SLC25A13: variants seen among roughly 807,000 people sequenced by gnomAD.
The protein encoded by SLC25A13 is solute carrier family 25 member 13.
A neutral mutation model predicts 85.5 loss-of-function variants in SLC25A13; 70 were observed. That is an observed-to-expected ratio of 0.82 (90% CI 0.68 to 1.00). The LOEUF is 1.00. SLC25A13 is among the 50% of genes least tolerant of loss of function. The probability of loss-of-function intolerance (pLI) is 0.00; values close to 1 mark genes in which losing one functional copy is unlikely to be tolerated. For synonymous variants in SLC25A13, 259 were observed against 288.7 expected, an observed-to-expected ratio of 0.90 and a Z score of 1.04; for missense variants, 765 against 819.8, an observed-to-expected ratio of 0.93 and a Z score of 0.82.
At chr7:96,314,692 G>A (rs1800068202) in intron 1 of SLC25A13, among the ~76,000 whole-genome samples, 3 of 152,202 alleles carry the variant, frequency 2.0e-5, no homozygotes, top group South Asian at 2.1e-4. Flanking sequence ...AGGGAGGAAT[G>A]GTTCCCTCTA....
At chr7:96,236,100 C>A (rs1796731920) in intron 3 of SLC25A13, among the ~76,000 whole-genome samples, 1 of 152,062 alleles carries the variant, frequency 6.6e-6, no homozygotes, top group African/African-American at 2.4e-5. Context: ...AAAACTGTTA[C>A]AAAGTGAACT....
At chr7:96,232,102 A>G (rs1382080357) in intron 4 of SLC25A13, among the ~76,000 whole-genome samples, 2 of 152,234 alleles carry the variant, frequency 1.3e-5, no homozygotes, top group Non-Finnish European at 2.9e-5. Context: ...CCAAAGAAAT[A>G]TAAACATTCT....
At chr7:96,151,503 A>C (rs528086183) in intron 13 of SLC25A13, among the ~76,000 whole-genome samples, 1 of 152,150 alleles carries the variant, frequency 6.6e-6, no homozygotes, top group Non-Finnish European at 1.5e-5. Context: ...AGGCTGAGGC[A>C]GAAGAATCAC....
intron 15 of SLC25A13, among the ~76,000 whole-genome samples, chr7:96,123,018 G>A (rs778396344): frequency 6.6e-6 from 1 of 152,108 alleles, no homozygotes; most frequent in African/African-American, 2.4e-5. Flanking sequence ...CTAACAGACA[G>A]CTTTAAAGTT....
At chr7:96,245,857 A>G (rs918681815) in intron 3 of SLC25A13, among the ~76,000 whole-genome samples, 1 of 152,238 alleles carries the variant, frequency 6.6e-6, no homozygotes, top group Non-Finnish European at 1.5e-5. Context: ...ATTAAGGCAA[A>G]TAAAGCAGAT....
At chr7:96,205,435 C>T (rs987199222) in intron 5 of SLC25A13, among the ~76,000 whole-genome samples, 5 of 152,130 alleles carry the variant, frequency 3.3e-5, no homozygotes, top group Admixed American at 1.3e-4. Flanking sequence ...TTCACACATA[C>T]CATCATTCAT....
At chr7:96,162,245 A>C (rs10230484) in intron 13 of SLC25A13, among the ~76,000 whole-genome samples, 37,047 of 152,088 alleles carry the variant, frequency 0.24, 4,633 homozygotes, top group East Asian at 0.33. Context: ...TATTCATTAT[A>C]TGAGGAAATT....
chr7:96,181,894 A>G (rs969063147), intron 11 of SLC25A13, among the ~76,000 whole-genome samples: 7 of 152,238 alleles, frequency 4.6e-5, no homozygotes, highest in Admixed American at 3.9e-4. Flanking sequence ...ATTTTAAAAT[A>G]AAGTTACATT....
In SLC25A13 at chr7:96,221,917, G is replaced by C. The variant is rs187866959; in HGVS notation, c.328+12885C>G. Among the ~76,000 whole-genome samples the C allele has an allele frequency of 1.1e-3, 163 of 152,274 alleles. 1 individual carries two copies. Among genetic ancestry groups the C allele is most frequent in the Non-Finnish European group, 2.1e-3 (141 of 68,026 alleles). On this transcript the variant is annotated intron_variant, in intron 4 of 17. Coordinates refer to ENST00000265631, the MANE Select transcript of SLC25A13 (RefSeq NM_014251.3). ...CCACATCAGAGAATTAACTAACTGA[G>C]GACTCGCTTAGAATTAAGAATTAAC...
intron 1 of SLC25A13, among the ~76,000 whole-genome samples, chr7:96,307,711 T>C (rs1403597112): frequency 6.6e-6 from 1 of 152,188 alleles, no homozygotes; most frequent in Non-Finnish European, 1.5e-5. Context: ...TTGCACTTTT[T>C]GGGAAATTTC....
intron 3 of SLC25A13, among the ~76,000 whole-genome samples, chr7:96,244,777 A>G (rs1170720625): frequency 6.6e-6 from 1 of 152,212 alleles, no homozygotes. Context: ...CCAAGGGCCT[A>G]TTTAAATTCA....
At chr7:96,314,212 T>C (rs12704844) in intron 1 of SLC25A13, among the ~76,000 whole-genome samples, 90,940 of 151,592 alleles carry the variant, frequency 0.6, 28,017 homozygotes, top group Non-Finnish European at 0.67. Context: ...TAATATGAGA[T>C]GCTAGAGGCC....
chr7:96,179,348 A>C (rs1211838222), intron 11 of SLC25A13, among the ~76,000 whole-genome samples: 2 of 152,166 alleles, frequency 1.3e-5, no homozygotes, highest in Non-Finnish European at 2.9e-5. Flanking sequence ...TGAGGTGTGG[A>C]ACTAATTCAT....
intron 2 of SLC25A13, among the ~76,000 whole-genome samples, chr7:96,293,633 A>G (rs1371889051): frequency 6.6e-6 from 1 of 152,254 alleles, no homozygotes; most frequent in Admixed American, 6.5e-5. Context: ...GTGAACAGAC[A>G]CTTCTCAAAA....
chr7:96,271,693 C>T (rs1010893624), intron 3 of SLC25A13, among the ~76,000 whole-genome samples: 2 of 151,984 alleles, frequency 1.3e-5, no homozygotes, highest in Non-Finnish European at 2.9e-5. Context: ...TGAGAAAATA[C>T]ACACATTATG....
chr7:96,206,669 G>C (rs1240085236), intron 5 of SLC25A13, among the ~76,000 whole-genome samples: 1 of 152,112 alleles, frequency 6.6e-6, no homozygotes, highest in African/African-American at 2.4e-5. Context: ...TGGCTACAGA[G>C]GCAAAATCAT....
At chr7:96,159,137 C>T (rs1793400919) in intron 13 of SLC25A13, among the ~76,000 whole-genome samples, 2 of 152,194 alleles carry the variant, frequency 1.3e-5, no homozygotes, top group African/African-American at 4.8e-5. Flanking sequence ...GAAGGCCACT[C>T]ACCCTGTCGA....
At chr7:96,130,114 A>G (rs1381978012) in intron 15 of SLC25A13, among the ~76,000 whole-genome samples, 1 of 152,222 alleles carries the variant, frequency 6.6e-6, no homozygotes, top group Non-Finnish European at 1.5e-5. Context: ...ATGAAAAAAA[A>G]TCTCACCAGT....
chr7:96,131,793 T>G lies in SLC25A13; in HGVS notation c.1541A>C (p.Glu514Ala). 1 of 1,614,098 alleles carries G rather than the reference T, an allele frequency of 6.2e-7. No homozygotes were observed. Among genetic ancestry groups the G allele is most frequent in the Non-Finnish European group, 8.5e-7 (1 of 1,180,014 alleles). The change falls in exon 15 of 18, where the codon GAA (glutamate) becomes GCA (alanine). Residue 514 changes from glutamate (E) to alanine (A), a missense_variant. By Grantham distance (107) the Glu-to-Ala change is moderately radical (BLOSUM62 -1). Transcript: ENST00000265631. ...YAHVKASFAN[E>A]DGQVSPGSLL... ...GCTTCCTGGGCTAACCTGCCCATCT[T>G]CATTTGCAAAGGAAGCCTTCACATG...
Sources: allele counts gnomAD v4.1 joint callset (sites outside exome capture counted in the v4.1 genomes callset), GRCh38; gene constraint gnomAD v4.1.1; transcripts MANE v1.5; gene names NCBI Gene and HGNC (gene_info 2026-07-23, HGNC 2026-07-21).